The following TMEM59 variants were observed in gnomAD, a reference collection of about 807,000 sequenced individuals.
The protein encoded by TMEM59 is transmembrane protein 59.
In TMEM59, 44 loss-of-function variants were observed where a neutral mutation model predicts 42.2. That is an observed-to-expected ratio of 1.04 (90% CI 0.82 to 1.34). The LOEUF is 1.34. Among genes scored for constraint, TMEM59 ranks in the 40% most tolerant of loss-of-function variants. The pLI is 0.00. For missense variants in TMEM59, 359 were observed against 382.8 expected, an observed-to-expected ratio of 0.94 and a Z score of 0.52; for synonymous variants, 148 against 145.8, an observed-to-expected ratio of 1.02 and a Z score of -0.11.
chr1:54,052,182 T>C (rs1057150254), intron 1 of TMEM59, among the ~76,000 whole-genome samples: 6 of 152,036 alleles, frequency 3.9e-5, no homozygotes, highest in African/African-American at 1.4e-4. Context: ...ATCAAGCAAT[T>C]TAGAATGTTG....
chr1:54,032,153 A>G lies in TMEM59; in HGVS notation c.969T>C (p.Ile323=). 2.5e-6 allele frequency: 4 copies of G among 1,605,742 alleles called. No individual in the cohort carries two copies. Among genetic ancestry groups the G allele is most frequent in the Non-Finnish European group, 3.4e-6 (4 of 1,176,604 alleles). The change falls in exon 8 of 8, where the codon ATT becomes ATC. Residue 323 remains isoleucine (I), a synonymous_variant. Coordinates refer to ENST00000234831, the MANE Select transcript of TMEM59 (RefSeq NM_004872.5). The part of the protein sequence containing the change: ...PTKVNLAHSE[I] ...TTGTCTTTTAAAAGAAAAATGCTTA[A>G]ATTTCAGAATGAGCAAGATTCACTT...
In TMEM59 at chr1:54,030,381, G is replaced by A. The variant is rs1656727415; in HGVS notation, c.*1769C>T. 6.6e-6 allele frequency: 1 copy of A among 152,154 alleles called. No homozygotes were observed. Among genetic ancestry groups the A allele is most frequent in the African/African-American group, 2.4e-5 (1 of 41,438 alleles). 9.4% of individuals were successfully genotyped at this position (152,154 alleles called of 1,614,324 possible). A position where few individuals can be genotyped will look rare whatever the true frequency, so the allele number is the denominator to read the frequency against. ...AACTAAGTATGCACTAATGATGGGA[G>A]ACGAAACAACAGGGCTTTTTATTTT... is the stretch of plus-strand genomic sequence containing the variant. On this transcript the variant is annotated 3_prime_UTR_variant, in exon 8 of 8. Coordinates refer to ENST00000234831, the MANE Select transcript of TMEM59 (RefSeq NM_004872.5).
Position 54,040,758 on chromosome 1 carries a change from A to G in TMEM59, c.705T>C (p.Ser235=). 1 of 1,611,820 alleles carries G rather than the reference A, an allele frequency of 6.2e-7. No homozygotes were observed. The highest frequency in any genetic ancestry group is 1.1e-5 in the South Asian group (1 of 91,026). ...ACATAATAAAGAGGAATACATACAG[A>G]GAGAGGCATCTTAAAAAGCCATCAC... ...GESDGFLRCL[S]LNSGWILTTT... is the part of the protein sequence containing the mutation. Residue 235 remains serine (S), a splice_region_variant and synonymous_variant, in exon 6 of 8, where the codon TCT becomes TCC. Coordinates refer to ENST00000234831, the MANE Select transcript of TMEM59 (RefSeq NM_004872.5).
At chr1:54,043,668 T>A in intron 3 of TMEM59, 143 bp from the exon 4 acceptor site, 1 of 465,204 alleles carries the variant, frequency 2.1e-6, no homozygotes, top group Non-Finnish European at 3.2e-6. Flanking sequence ...AGCATTAGAG[T>A]AAACTCTTAG....
At chr1:54,045,595 A>G (rs1439935325) in intron 3 of TMEM59, 97 bp downstream of exon 3, 8 of 1,182,222 alleles carry the variant, frequency 6.8e-6, no homozygotes, top group Non-Finnish European at 9.8e-6. Context: ...TATAAAATAT[A>G]ACACTAAAAT....
intron 1 of TMEM59, among the ~76,000 whole-genome samples, chr1:54,050,614 A>G (rs541728928): frequency 1.2e-4 from 18 of 147,424 alleles, no homozygotes; most frequent in Non-Finnish European, 2.7e-4. Flanking sequence ...CCCAGGCTGG[A>G]GTGCGGTGGC....
upstream of TMEM59, chr1:54,053,259 GCCAGCCCCCTTCT>G: frequency 6.4e-7 from 1 of 1,556,224 alleles, no homozygotes; most frequent in South Asian, 1.2e-5. Context: ...TCCTCCTGGG[GCCAGCCCCCTTCT>G]CCGCCCCACC....
intron 7 of TMEM59, chr1:54,034,146 A>G (rs1656866722): frequency 6.6e-6 from 1 of 150,920 alleles, no homozygotes; most frequent in African/African-American, 2.5e-5. Context: ...AAAAAGTGAT[A>G]AAGTGATACA....
rs12092512 is a variant in TMEM59 at position 54,032,310 on chromosome 1, A to C, written c.817-5T>G. The C allele has an allele frequency of 0.011, 16,947 of 1,596,216 alleles. 240 individuals carry two copies. The highest frequency in any genetic ancestry group is 0.051 in the African/African-American group (3,801 of 74,428). ...GTCACCATAGATACTCAGCTTCTGC[A>C]AAAGAAAACCAATGTACATTAGTAG... On this transcript the variant is annotated splice_polypyrimidine_tract_variant and splice_region_variant and intron_variant, in intron 7 of 7. Transcript: ENST00000234831.
chr1:54,043,249 A>T, intron 4 of TMEM59, 124 bp downstream of exon 4: 1 of 900,038 alleles, frequency 1.1e-6, no homozygotes, highest in Non-Finnish European at 1.5e-6. Context: ...CCAAATAAGT[A>T]ATTATTATTT....
At chr1:54,053,221 T>C (rs201427170), upstream of TMEM59, 4 of 1,607,482 alleles carry the variant, frequency 2.5e-6, no homozygotes, top group South Asian at 3.3e-5. Context: ...GCTCAGCTTG[T>C]TGCTGTTTTC....
intron 7 of TMEM59, among the ~76,000 whole-genome samples, chr1:54,036,225 G>A (rs573577571): frequency 2.2e-4 from 34 of 151,984 alleles, no homozygotes; most frequent in Admixed American, 4.6e-4. Flanking sequence ...AGGTTGCAGT[G>A]AGCCAAGATC....
At chr1:54,045,870 AATTTT>A in intron 2 of TMEM59, 84 bp from the exon 3 acceptor site, 1 of 1,239,962 alleles carries the variant, frequency 8.1e-7, no homozygotes, top group South Asian at 1.6e-5. Context: ...TTATTAAAAA[AATTTT>A]TATACTTAAA....
In TMEM59 at chr1:54,027,863, CA is replaced by C. The variant is rs1158888268; in HGVS notation, c.*4286del. On this transcript the variant is annotated 3_prime_UTR_variant, in exon 8 of 8. Transcript: ENST00000234831. ...ACTGTGCTCCAGAATTTAATTACCA[CA>C]AGGAGTTAGAAAATCCACACTACCA... The C allele has an allele frequency of 6.6e-6, 1 of 152,096 alleles. No individual in the cohort carries two copies. The highest frequency in any genetic ancestry group is 6.6e-5 in the Admixed American group (1 of 15,266). The allele number at this position is 152,096 out of a possible 1,614,324, so 9.4% of individuals were successfully genotyped here.
At chr1:54,036,802 G>T in intron 6 of TMEM59, 84 bp from the exon 7 acceptor site, 2 of 828,258 alleles carry the variant, frequency 2.4e-6, no homozygotes, top group Non-Finnish European at 3.7e-6. Flanking sequence ...TATGTACTTA[G>T]CTCAACAGTA....
At chr1:54,035,979 G>A (rs1656933038) in intron 7 of TMEM59, among the ~76,000 whole-genome samples, 1 of 152,128 alleles carries the variant, frequency 6.6e-6, no homozygotes, top group Non-Finnish European at 1.5e-5. Context: ...AAACTATTAA[G>A]TGGTTCTACA....
At position 54,044,339 on chromosome 1, in the gene TMEM59, C is replaced by CTCAAAAAAAAAAAAAAAAAAAAAAAAAA. The variant is rs1332228226; in HGVS notation, c.391-815_391-814insTTTTTTTTTTTTTTTTTTTTTTTTTTGA. On this transcript the variant is annotated intron_variant, in intron 3 of 7. Transcript: ENST00000234831. The stretch of plus-strand genomic sequence containing the variant: ...GCCTGGCGACAGAGCGAGACTCCAT[C>CTCAAAAAAAAAAAAAAAAAAAAAAAAAA]ACAAAAAAAAAAAAAAAAAAAGGAT... 2 of 49,742 alleles carry CTCAAAAAAAAAAAAAAAAAAAAAAAAAA rather than the reference C, an allele frequency of 4.0e-5. 1 individual carries two copies. Among genetic ancestry groups the CTCAAAAAAAAAAAAAAAAAAAAAAAAAA allele is most frequent in the Non-Finnish European group, 8.3e-5 (2 of 23,962 alleles). The allele number at this position is 49,742 out of a possible 1,614,324, so 3.1% of individuals were successfully genotyped here. A position where few individuals can be genotyped will look rare whatever the true frequency, so the allele number is the denominator to read the frequency against.
In TMEM59 at chr1:54,036,618, G is replaced by A. The variant is rs202153297; in HGVS notation, c.808C>T (p.Pro270Ser). The A allele has an allele frequency of 1.9e-6, 3 of 1,602,002 alleles. No individual in the cohort carries two copies. The highest frequency in any genetic ancestry group is 2.6e-6 in the Non-Finnish European group (3 of 1,173,792). ...TVATAVEQYVPSEKLSIYGDL... is the reference protein window; with the variant it reads ...TVATAVEQYVSSEKLSIYGDL... ...GTAAGAATTAAATTTACCTCAGAGG[G>A]AACATACTGCTCCACAGCTGTAGCA... is the stretch of plus-strand genomic sequence containing the variant. Residue 270 changes from proline (P) to serine (S), a missense_variant, in exon 7 of 8, where the codon CCC becomes TCC. Physicochemically the swap from Pro to Ser is moderately conservative, Grantham distance 74 (BLOSUM62 -1). Coordinates refer to ENST00000234831, the MANE Select transcript of TMEM59 (RefSeq NM_004872.5).
At chr1:54,037,450 T>C (rs542616955) in intron 6 of TMEM59, among the ~76,000 whole-genome samples, 146 of 152,362 alleles carry the variant, frequency 9.6e-4, no homozygotes, top group African/African-American at 3.2e-3. Context: ...GGCCTTGAAC[T>C]CATGGGCGCA....
Sources: gnomAD v4.1 joint callset for allele counts (sites outside exome capture counted in the v4.1 genomes callset) on GRCh38, gnomAD v4.1.1 for gene constraint, MANE v1.5 for transcripts, NCBI Gene and HGNC (gene_info 2026-07-23, HGNC 2026-07-21) for gene names.